NEXN: variants seen among roughly 807,000 people sequenced by gnomAD.
The protein encoded by NEXN is nexilin.
Under a neutral mutation model 92.6 loss-of-function variants are expected in NEXN, and 65 were observed. The observed-to-expected ratio is 0.70, with a 90% CI of 0.57 to 0.86. The LOEUF is 0.86. NEXN is among the 40% of genes least tolerant of loss of function. NEXN has a pLI of 0.00. For missense variants in NEXN, 778 were observed against 771.1 expected, an observed-to-expected ratio of 1.01 and a Z score of -0.11; for synonymous variants, 254 against 242.5, an observed-to-expected ratio of 1.05 and a Z score of -0.44.
rs76755414 is a variant in NEXN, at chr1:77,918,378, A to G, written c.447+105A>G. ...AAATATTTTAATGTAACATAAACCT[A>G]TTAAAAAGCAGCTAACCGTCTGGGA... On this transcript the variant is annotated intron_variant, in intron 5 of 12. Coordinates refer to ENST00000334785, the MANE Select transcript of NEXN (RefSeq NM_144573.4). The G allele has an allele frequency of 2.4e-3, 3,097 of 1,315,012 alleles. 65 individuals carry two copies. In the African/African-American group the frequency reaches 0.042, roughly 18 times the overall value. The allele number at this position is 1,315,012 out of a possible 1,614,324, so 81.5% of individuals were successfully genotyped here. A position where few individuals can be genotyped will look rare whatever the true frequency, so the allele number is the denominator to read the frequency against.
In NEXN at chr1:77,933,477, G is replaced by A. The variant is rs972000302; in HGVS notation, c.1249G>A (p.Glu417Lys). ...EFEQLRQEMG[E>K]EEEENETFGL... ...TGAACAACTGAGACAGGAAATGGGA[G>A]AGGTAAGATTTTAAGAAATATCTAT... Residue 417 changes from glutamate (E) to lysine (K), a missense_variant and splice_region_variant, in exon 10 of 13, where the codon GAG becomes AAG. Physicochemically the swap from Glu to Lys is moderately conservative, Grantham distance 56 (BLOSUM62 1). Transcript: ENST00000334785. 6 of 1,599,512 alleles carry A rather than the reference G, an allele frequency of 3.8e-6. No homozygotes were observed. In the African/African-American group the frequency reaches 5.4e-5, roughly 14 times the overall value.
chr1:77,934,484 G>A (rs1650585039), intron 10 of NEXN, among the ~76,000 whole-genome samples: 1 of 152,212 alleles, frequency 6.6e-6, no homozygotes, highest in Admixed American at 6.5e-5. Flanking sequence ...GAATTTGTGT[G>A]TTGTATGTAA....
intron 1 of NEXN, among the ~76,000 whole-genome samples, chr1:77,915,023 A>C (rs981028337): frequency 9.2e-5 from 14 of 151,928 alleles, no homozygotes; most frequent in African/African-American, 3.1e-4. Context: ...TAAACCTAAG[A>C]AAGTTGGGGG....
At chr1:77,905,759 C>T (rs1027103333) in intron 1 of NEXN, among the ~76,000 whole-genome samples, 4 of 152,098 alleles carry the variant, frequency 2.6e-5, no homozygotes, top group African/African-American at 9.7e-5. Context: ...AGGAGAAGCA[C>T]TTAACCTAGT....
At chr1:77,899,994 T>G (rs976248925) in intron 1 of NEXN, among the ~76,000 whole-genome samples, 68 of 152,186 alleles carry the variant, frequency 4.5e-4, no homozygotes, top group African/African-American at 1.6e-3. Flanking sequence ...CTTTTTCTTT[T>G]CTTTCTAGGA....
intron 1 of NEXN, among the ~76,000 whole-genome samples, chr1:77,910,748 CAAAAAAAAA>C (rs751080251): frequency 4.7e-5 from 2 of 42,880 alleles, no homozygotes; most frequent in African/African-American, 1.5e-4. Flanking sequence ...GAGACTGTCT[CAAAAAAAAA>C]AAAAAAAAAA....
chr1:77,936,133 T>C (rs1650745233), intron 11 of NEXN, 89 bp downstream of exon 11: 3 of 965,922 alleles, frequency 3.1e-6, no homozygotes, highest in Admixed American at 4.5e-5. Flanking sequence ...TAAGTTTTAG[T>C]ACTTAAAATT....
chr1:77,934,628 C>A (rs1443901238), intron 10 of NEXN, among the ~76,000 whole-genome samples: 1 of 152,230 alleles, frequency 6.6e-6, no homozygotes, highest in East Asian at 1.9e-4. Context: ...TAACCTTCTT[C>A]CCTCTTCGGA....
At chr1:77,890,592 G>A (rs530100397) in intron 1 of NEXN, among the ~76,000 whole-genome samples, 1 of 151,976 alleles carries the variant, frequency 6.6e-6, no homozygotes, top group African/African-American at 2.4e-5. Context: ...GAAGTATTTA[G>A]GTTAGGGTTT....
intron 8 of NEXN, among the ~76,000 whole-genome samples, chr1:77,927,604 G>GAGTC (rs773545164): frequency 0.14 from 5,052 of 36,906 alleles, 97 homozygotes; most frequent in Middle Eastern, 0.23. Flanking sequence ...GTGTGTGTCT[G>GAGTC]TGTGTGTGTG....
At chr1:77,911,540 C>T (rs1403701892) in intron 1 of NEXN, among the ~76,000 whole-genome samples, 2 of 151,546 alleles carry the variant, frequency 1.3e-5, no homozygotes, top group East Asian at 2.0e-4. Context: ...TGCAGTGAGC[C>T]GAGATTGCAC....
chr1:77,908,151 C>A (rs1648272316), intron 1 of NEXN, among the ~76,000 whole-genome samples: 1 of 152,102 alleles, frequency 6.6e-6, no homozygotes, highest in Non-Finnish European at 1.5e-5. Context: ...GATCACAGCT[C>A]ACTGCAACCT....
chr1:77,942,928 C>A lies in NEXN; in HGVS notation c.*99C>A, dbSNP rs1181778260. 4.8e-6 allele frequency: 7 copies of A among 1,462,364 alleles called. No individual in the cohort carries two copies. The East Asian group carries it at 1.5e-4, about 31-fold the overall frequency. 90.6% of individuals were successfully genotyped at this position (1,462,364 alleles called of 1,614,324 possible). ...ATGACTACTAGCTCCCCTCCCCTCT[C>A]CCTGGAACTTTCTCTTTCACTCCAA... On this transcript the variant is annotated 3_prime_UTR_variant, in exon 13 of 13. Transcript: ENST00000334785.
At chr1:77,906,689 C>G (rs188692539) in intron 1 of NEXN, among the ~76,000 whole-genome samples, 2 of 152,054 alleles carry the variant, frequency 1.3e-5, no homozygotes, top group Non-Finnish European at 2.9e-5. Flanking sequence ...GGGTCTTGCT[C>G]TGTTGCCCAG....
intron 11 of NEXN, among the ~76,000 whole-genome samples, chr1:77,936,350 G>C (rs2102157531): frequency 6.6e-6 from 1 of 152,306 alleles, no homozygotes; most frequent in African/African-American, 2.4e-5. Context: ...CACTTTGGGA[G>C]GCCAAGGAGG....
Position 77,898,985 on chromosome 1 carries a change from G to A in NEXN, c.-53+10226G>A, listed in dbSNP as rs909481544. Among the ~76,000 whole-genome samples the A allele has an allele frequency of 6.5e-3, 989 of 152,274 alleles. 11 individuals are homozygous for A. The highest frequency in any genetic ancestry group is 0.022 in the African/African-American group (929 of 41,556). On this transcript the variant is annotated intron_variant, in intron 1 of 12. Coordinates refer to ENST00000334785, the MANE Select transcript of NEXN (RefSeq NM_144573.4). ...ACCATCTCACACCAGTTAGAATGGC[G>A]ATCATTAATAAGTCAGGAAATAACA...
At chr1:77,890,831 AACAG>A (rs1456423718) in intron 1 of NEXN, among the ~76,000 whole-genome samples, 3 of 152,214 alleles carry the variant, frequency 2.0e-5, no homozygotes, top group Non-Finnish European at 4.4e-5. Flanking sequence ...AAAAGTATGT[AACAG>A]ACAGGTAAAA....
intron 4 of NEXN, 22 bp downstream of exon 4, chr1:77,918,060 T>C (rs2102093650): frequency 1.2e-6 from 2 of 1,612,610 alleles, no homozygotes; most frequent in Non-Finnish European, 8.5e-7. Context: ...GAGGGGTAAA[T>C]AGTAAATTAA....
chr1:77,933,708 T>C (rs1306719619), intron 10 of NEXN, among the ~76,000 whole-genome samples: 1 of 152,226 alleles, frequency 6.6e-6, no homozygotes, highest in Non-Finnish European at 1.5e-5. Flanking sequence ...TGCAAGTGAC[T>C]GAGCTATTAC....
Sources: allele counts gnomAD v4.1 joint callset (sites outside exome capture counted in the v4.1 genomes callset), GRCh38; gene constraint gnomAD v4.1.1; transcripts MANE v1.5; gene names NCBI Gene and HGNC (gene_info 2026-07-23, HGNC 2026-07-21).